NSMCE2: variants seen among roughly 807,000 people sequenced by gnomAD.
The protein encoded by NSMCE2 is NSE2 SUMO ligase component of SMC5/6 complex.
Under a neutral mutation model 23.8 loss-of-function variants are expected in NSMCE2, and 24 were observed. The ratio of observed to expected loss-of-function variants is 1.01; its 90% confidence interval spans 0.73 to 1.42. NSMCE2 has a LOEUF of 1.42. NSMCE2 is among the 40% of genes most tolerant of loss of function. The probability of loss-of-function intolerance (pLI) is 0.00; values close to 1 mark genes in which losing one functional copy is unlikely to be tolerated. For synonymous variants in NSMCE2, 92 were observed against 94.1 expected (o/e 0.98, Z 0.13); for missense variants, 284 against 296.5 (o/e 0.96, Z 0.31).
intron 5 of NSMCE2, among the ~76,000 whole-genome samples, chr8:125,349,596 A>G (rs200524383): frequency 6.4e-4 from 98 of 152,040 alleles, no homozygotes; most frequent in South Asian, 5.6e-3. Flanking sequence ...AAAAAAAAAA[A>G]AAAGAAAGAA....
At chr8:125,296,104 G>A (rs1214090486) in intron 5 of NSMCE2, among the ~76,000 whole-genome samples, 4 of 152,086 alleles carry the variant, frequency 2.6e-5, no homozygotes, top group East Asian at 1.9e-4. Context: ...CTACACGCTA[G>A]GCATTATAAT....
At chr8:125,279,356 T>G (rs1355553044) in intron 5 of NSMCE2, among the ~76,000 whole-genome samples, 1 of 152,210 alleles carries the variant, frequency 6.6e-6, no homozygotes, top group Non-Finnish European at 1.5e-5. Flanking sequence ...GAAAAGTAGC[T>G]TCCTTATGAG....
chr8:125,299,807 T>TC (rs1828481237), intron 5 of NSMCE2, among the ~76,000 whole-genome samples: 1 of 83,874 alleles, frequency 1.2e-5, no homozygotes, highest in Non-Finnish European at 2.4e-5. Flanking sequence ...TGGCTTTCTT[T>TC]TTTTTTTTTT....
chr8:125,175,231 T>C (rs183110997), intron 4 of NSMCE2, among the ~76,000 whole-genome samples: 17 of 152,302 alleles, frequency 1.1e-4, no homozygotes, highest in Admixed American at 9.8e-4. Flanking sequence ...GCCAACTTCC[T>C]TAAATGTCTT....
intron 5 of NSMCE2, among the ~76,000 whole-genome samples, chr8:125,192,929 A>G (rs1239801200): frequency 6.6e-6 from 1 of 152,224 alleles, no homozygotes; most frequent in Non-Finnish European, 1.5e-5. Flanking sequence ...TTGGAATTCC[A>G]TACTTTAAGG....
chr8:125,301,027 T>C (rs752681347), intron 5 of NSMCE2, among the ~76,000 whole-genome samples: 1 of 152,218 alleles, frequency 6.6e-6, no homozygotes, highest in Non-Finnish European at 1.5e-5. Flanking sequence ...GTTATTTCTG[T>C]GTCACAATCA....
chr8:125,237,870 T>C (rs1825622975), intron 5 of NSMCE2, among the ~76,000 whole-genome samples: 2 of 152,188 alleles, frequency 1.3e-5, no homozygotes, highest in Admixed American at 6.5e-5. Context: ...ACACTGGAGT[T>C]CTCAGAAGTT....
intron 3 of NSMCE2, among the ~76,000 whole-genome samples, chr8:125,127,657 T>G (rs1819578822): frequency 6.6e-6 from 1 of 152,204 alleles, no homozygotes; most frequent in African/African-American, 2.4e-5. Context: ...ACCCTGTATC[T>G]GCCTTATCTT....
At chr8:125,308,025 A>G (rs1452883653) in intron 5 of NSMCE2, among the ~76,000 whole-genome samples, 2 of 152,168 alleles carry the variant, frequency 1.3e-5, no homozygotes, top group Admixed American at 6.5e-5. Flanking sequence ...TCCCCTGTGG[A>G]AACAGTCTGC....
intron 5 of NSMCE2, among the ~76,000 whole-genome samples, chr8:125,231,111 G>T (rs1482493507): frequency 6.6e-6 from 1 of 152,158 alleles, no homozygotes; most frequent in African/African-American, 2.4e-5. Context: ...TTTGAGAGAA[G>T]AAATACTTAG....
intron 3 of NSMCE2, among the ~76,000 whole-genome samples, chr8:125,122,040 G>T (rs1819287110): frequency 6.6e-6 from 1 of 151,986 alleles, no homozygotes; most frequent in South Asian, 2.1e-4. Context: ...CTAGGCCTGT[G>T]CTCAGTGTAG....
chr8:125,106,461 C>T (rs1424778611), intron 3 of NSMCE2, among the ~76,000 whole-genome samples: 5 of 152,158 alleles, frequency 3.3e-5, no homozygotes, highest in African/African-American at 7.2e-5. Context: ...AGGTGGATCA[C>T]GAGGTCAGGA....
intron 5 of NSMCE2, among the ~76,000 whole-genome samples, chr8:125,209,329 G>C (rs1027076423): frequency 1.3e-5 from 2 of 152,154 alleles, no homozygotes; most frequent in African/African-American, 2.4e-5. Flanking sequence ...TGTCAACTGG[G>C]TACTTTCTAC....
At chr8:125,300,082 A>G (rs1373135142) in intron 5 of NSMCE2, among the ~76,000 whole-genome samples, 1 of 149,652 alleles carries the variant, frequency 6.7e-6, no homozygotes, top group Non-Finnish European at 1.5e-5. Flanking sequence ...GCCTCCCAAA[A>G]TGCTGGGATT....
intron 1 of NSMCE2, among the ~76,000 whole-genome samples, chr8:125,093,729 T>A (rs762224447): frequency 1.3e-5 from 2 of 151,336 alleles, no homozygotes; most frequent in African/African-American, 2.4e-5. Context: ...TCTCAAAAAA[T>A]AAATAAATAA....
chr8:125,265,441 G>A (rs1349352118), intron 5 of NSMCE2, among the ~76,000 whole-genome samples: 2 of 151,850 alleles, frequency 1.3e-5, no homozygotes, highest in Admixed American at 6.6e-5. Flanking sequence ...GGCTGGTCTC[G>A]AACTCCTGAC....
At chr8:125,304,382 C>T (rs570840758) in intron 5 of NSMCE2, among the ~76,000 whole-genome samples, 23 of 152,152 alleles carry the variant, frequency 1.5e-4, no homozygotes, top group South Asian at 1.5e-3. Context: ...AGAGGAGTGA[C>T]GTGATCCATG....
intron 7 of NSMCE2, among the ~76,000 whole-genome samples, chr8:125,360,760 G>C (rs1813503323): frequency 6.6e-6 from 1 of 152,292 alleles, no homozygotes; most frequent in South Asian, 2.1e-4. Flanking sequence ...AGAGTGATGA[G>C]TATTTCTGGG....
intron 5 of NSMCE2, among the ~76,000 whole-genome samples, chr8:125,291,149 A>G (rs942883240): frequency 1.1e-4 from 16 of 152,216 alleles, no homozygotes; most frequent in Admixed American, 3.3e-4. Flanking sequence ...TTACCAAACT[A>G]CAGCAGAAAC....
Sources: allele counts gnomAD v4.1 joint callset (sites outside exome capture counted in the v4.1 genomes callset), GRCh38; gene constraint gnomAD v4.1.1; transcripts MANE v1.5; gene names NCBI Gene and HGNC (gene_info 2026-07-23, HGNC 2026-07-21).